Variants in TBC1D5 observed in about 807,000 individuals in gnomAD.
TBC1D5 encodes TBC1 domain family, member 5.
TBC1D5 carries 75 observed loss-of-function variants against 100.3 expected under a neutral mutation model. That is an observed-to-expected ratio of 0.75 (90% CI 0.62 to 0.91). TBC1D5 has a LOEUF of 0.91. Ranked by LOEUF, TBC1D5 falls within the 40% of genes least tolerant of loss-of-function variation. The pLI, the probability that TBC1D5 is intolerant of heterozygous loss-of-function variation, is 0.00. For synonymous variants in TBC1D5, 323 were observed against 325.6 expected, an observed-to-expected ratio of 0.99 and a Z score of 0.09; for missense variants, 910 against 942.4, an observed-to-expected ratio of 0.97 and a Z score of 0.45.
intron 19 of TBC1D5, among the ~76,000 whole-genome samples, chr3:17,172,881 A>G (rs2067305501): frequency 6.6e-6 from 1 of 152,156 alleles, no homozygotes; most frequent in African/African-American, 2.4e-5. Flanking sequence ...TGAGGGTGTT[A>G]GTGAGTAGAA....
At chr3:17,597,061 G>A (rs2060620177) in intron 2 of TBC1D5, among the ~76,000 whole-genome samples, 1 of 152,166 alleles carries the variant, frequency 6.6e-6, no homozygotes, top group African/African-American at 2.4e-5. Context: ...ATTTTAAGAT[G>A]ATATGATTCT....
chr3:17,317,616 A>G (rs1402572908), intron 13 of TBC1D5, among the ~76,000 whole-genome samples: 10 of 152,248 alleles, frequency 6.6e-5, no homozygotes, highest in Admixed American at 3.9e-4. Flanking sequence ...TGTGTATATA[A>G]TATTTTTTTA....
intron 2 of TBC1D5, among the ~76,000 whole-genome samples, chr3:17,618,649 G>C (rs1258758840): frequency 1.3e-5 from 2 of 152,222 alleles, no homozygotes; most frequent in African/African-American, 4.8e-5. Flanking sequence ...CTCGTTGTTA[G>C]ATCTCAGACT....
intron 13 of TBC1D5, among the ~76,000 whole-genome samples, chr3:17,362,046 G>C (rs914644575): frequency 1.3e-5 from 2 of 152,072 alleles, no homozygotes; most frequent in South Asian, 2.1e-4. Flanking sequence ...AATGGAGAAA[G>C]GGTAGTCTTT....
chr3:17,163,089 C>A (rs562505048), intron 21 of TBC1D5, among the ~76,000 whole-genome samples: 1 of 152,308 alleles, frequency 6.6e-6, no homozygotes, highest in African/African-American at 2.4e-5. Context: ...CAGTGAGATT[C>A]TGAAGTGGAG....
At chr3:17,215,335 T>C (rs1377328859) in intron 17 of TBC1D5, among the ~76,000 whole-genome samples, 1 of 152,126 alleles carries the variant, frequency 6.6e-6, no homozygotes, top group Non-Finnish European at 1.5e-5. Flanking sequence ...TGGACAAAAC[T>C]GACTGGATTT....
At chr3:17,741,179 A>G (rs2077399619), upstream of TBC1D5, among the ~76,000 whole-genome samples, 1 of 152,254 alleles carries the variant, frequency 6.6e-6, no homozygotes, top group African/African-American at 2.4e-5. Flanking sequence ...GTACAATATC[A>G]AAATGCACCA....
intron 17 of TBC1D5, among the ~76,000 whole-genome samples, chr3:17,221,782 C>T (rs2596667): frequency 0.41 from 62,193 of 152,000 alleles, 13,423 homozygotes; most frequent in Middle Eastern, 0.49. Context: ...GAAACCTTGA[C>T]TTTAGCCTAG....
intron 2 of TBC1D5, chr3:17,575,346 T>G (rs1447763093): frequency 6.6e-6 from 1 of 151,932 alleles, no homozygotes; most frequent in African/African-American, 2.4e-5. Flanking sequence ...AATTCTGAAT[T>G]ACATATGCCA....
chr3:17,627,607 C>T lies in TBC1D5; in HGVS notation c.-100-3694G>A, dbSNP rs552570560. Among the ~76,000 whole-genome samples the T allele has an allele frequency of 2.1e-4, 31 of 149,710 alleles. No homozygotes were observed. In the East Asian group the frequency reaches 6.0e-3, roughly 29 times the overall value. On this transcript the variant is annotated intron_variant, in intron 1 of 21. Transcript: ENST00000253692. ...AAAAACTTTACCCAACATTGTTAAA[C>T]AAGCGGGGTCTTAGAATGTACTGCA...
intron 2 of TBC1D5, among the ~76,000 whole-genome samples, chr3:17,588,589 G>T (rs909309433): frequency 6.6e-6 from 1 of 151,880 alleles, no homozygotes; most frequent in Non-Finnish European, 1.5e-5. Context: ...CATATTTAAC[G>T]CACAAATGCT....
intron 18 of TBC1D5, among the ~76,000 whole-genome samples, chr3:17,205,912 G>A (rs1436956302): frequency 1.3e-5 from 2 of 152,130 alleles, no homozygotes; most frequent in African/African-American, 2.4e-5. Context: ...TAATCCAACC[G>A]TAGACCTATT....
chr3:17,552,713 G>C (rs900863369), intron 2 of TBC1D5, among the ~76,000 whole-genome samples: 2 of 152,020 alleles, frequency 1.3e-5, no homozygotes, highest in African/African-American at 4.8e-5. Context: ...GATGGAGAGA[G>C]AATGGGGTCT....
intron 2 of TBC1D5, among the ~76,000 whole-genome samples, chr3:17,518,210 T>A (rs796609400): frequency 5.4e-4 from 82 of 152,220 alleles, no homozygotes; most frequent in African/African-American, 1.8e-3. Context: ...CAAGCCGAAA[T>A]GCCTGAAACC....
At chr3:17,292,973 G>T (rs142612078) in intron 14 of TBC1D5, among the ~76,000 whole-genome samples, 64 of 152,214 alleles carry the variant, frequency 4.2e-4, no homozygotes, top group African/African-American at 1.4e-3. Flanking sequence ...TTTTTCTTCT[G>T]CTGTTGGAAT....
intron 19 of TBC1D5, among the ~76,000 whole-genome samples, chr3:17,176,637 C>T (rs1462812482): frequency 6.6e-6 from 1 of 152,008 alleles, no homozygotes; most frequent in African/African-American, 2.4e-5. Context: ...ACATCATACA[C>T]TGGGGCCTGT....
chr3:17,261,669 G>A (rs1488282777), intron 15 of TBC1D5, among the ~76,000 whole-genome samples: 3 of 151,912 alleles, frequency 2.0e-5, no homozygotes, highest in Non-Finnish European at 2.9e-5. Context: ...CTACACGCAT[G>A]CACCAACATG....
At position 17,374,611 on chromosome 3, in the gene TBC1D5, GA is replaced by G; in HGVS notation, c.752+17del. The G allele has an allele frequency of 6.2e-7, 1 of 1,609,870 alleles. No individual in the cohort carries two copies. Among genetic ancestry groups the G allele is most frequent in the Non-Finnish European group, 8.5e-7 (1 of 1,178,456 alleles). ...TGATGGTATAAAAAAATAAAACAAAGAAAGTTTTTGTACTTACTAGGCATCA... is the reference window on the plus strand; with the variant it reads ...TGATGGTATAAAAAAATAAAACAAAGAAGTTTTTGTACTTACTAGGCATCA... On this transcript the variant is annotated intron_variant, in intron 11 of 21. Coordinates refer to ENST00000253692, the Ensembl canonical transcript of TBC1D5.
At chr3:17,668,417 C>T (rs1445869510) in intron 1 of TBC1D5, among the ~76,000 whole-genome samples, 3 of 151,834 alleles carry the variant, frequency 2.0e-5, no homozygotes, top group Non-Finnish European at 4.4e-5. Context: ...TTACTAGTAT[C>T]CCATAACCTG....
Sources: allele counts gnomAD v4.1 joint callset (sites outside exome capture counted in the v4.1 genomes callset), GRCh38; gene constraint gnomAD v4.1.1; transcripts MANE v1.5; gene names NCBI Gene and HGNC (gene_info 2026-07-23, HGNC 2026-07-21).